Variants in MAF observed in about 807,000 individuals in gnomAD.
The protein encoded by MAF is MAF bZIP transcription factor, also known as transcription factor Maf.
In MAF, 10 loss-of-function variants were observed where a neutral mutation model predicts 22.0. That is an observed-to-expected ratio of 0.45 (90% confidence interval 0.28 to 0.77). The LOEUF (loss-of-function observed/expected upper bound fraction) is 0.77, where lower values mean the gene tolerates loss of function less well. Among genes scored for constraint, MAF ranks in the 30% least tolerant of loss-of-function variants. The probability of loss-of-function intolerance (pLI) is 0.12; values close to 1 mark genes in which losing one functional copy is unlikely to be tolerated. For synonymous variants in MAF, 337 were observed against 255.8 expected (o/e 1.32, Z -3.03); for missense variants, 544 against 548.4 (o/e 0.99, Z 0.08).
the MAF span, among the ~76,000 whole-genome samples, chr16:79,438,666 C>A: frequency 6.6e-6 from 1 of 152,190 alleles, no homozygotes; most frequent in Non-Finnish European, 1.5e-5. Flanking sequence ...GTCTGCACAG[C>A]CAGCGAGGTC....
At chr16:79,242,034 T>A in the MAF span, among the ~76,000 whole-genome samples, 1 of 152,026 alleles carries the variant, frequency 6.6e-6, no homozygotes. Context: ...CAAGAGCTCC[T>A]GAAGGAAGCA....
chr16:79,538,422 A>C, the MAF span, among the ~76,000 whole-genome samples: 1 of 152,220 alleles, frequency 6.6e-6, no homozygotes, highest in African/African-American at 2.4e-5. Flanking sequence ...TGCACTGAAT[A>C]TTTAAATGTC....
chr16:79,296,298 T>A, the MAF span, among the ~76,000 whole-genome samples: 1 of 152,140 alleles, frequency 6.6e-6, no homozygotes, highest in Non-Finnish European at 1.5e-5. Context: ...TTAATCTTTT[T>A]AAAAAATCAG....
chr16:79,412,854 G>T, the MAF span, among the ~76,000 whole-genome samples: 1 of 152,198 alleles, frequency 6.6e-6, no homozygotes, highest in African/African-American at 2.4e-5. Context: ...TATGGGAGGA[G>T]GTGATCCATC....
chr16:79,496,702 C>T, the MAF span, among the ~76,000 whole-genome samples: 4 of 152,170 alleles, frequency 2.6e-5, no homozygotes, highest in Non-Finnish European at 5.9e-5. Flanking sequence ...TCTAGAGATG[C>T]TTCAATGCAA....
the MAF span, among the ~76,000 whole-genome samples, chr16:79,409,304 G>T: frequency 1.1e-4 from 17 of 152,204 alleles, no homozygotes; most frequent in African/African-American, 4.1e-4. Context: ...GGCATGGAAA[G>T]GAAGTCGCGC....
the MAF span, among the ~76,000 whole-genome samples, chr16:79,456,553 C>G: frequency 2.0e-5 from 3 of 152,166 alleles, no homozygotes; most frequent in East Asian, 5.8e-4. Context: ...CTCCAGAACT[C>G]TCAACTTTAA....
the MAF span, among the ~76,000 whole-genome samples, chr16:79,336,506 T>C: frequency 1.3e-5 from 2 of 152,242 alleles, no homozygotes; most frequent in Non-Finnish European, 2.9e-5. Flanking sequence ...TAAAATTGCC[T>C]AGAATGTGGT....
chr16:79,223,591 G>A, the MAF span, among the ~76,000 whole-genome samples: 3 of 151,892 alleles, frequency 2.0e-5, no homozygotes, highest in African/African-American at 7.3e-5. Context: ...TTTTTGCAAA[G>A]ATCAACAAAA....
At chr16:79,360,223 T>G in the MAF span, among the ~76,000 whole-genome samples, 1 of 152,202 alleles carries the variant, frequency 6.6e-6, no homozygotes, top group Non-Finnish European at 1.5e-5. Context: ...GCTCTCCCCA[T>G]CTTTTTGAAC....
chr16:79,548,263 G>T, the MAF span, among the ~76,000 whole-genome samples: 5 of 152,172 alleles, frequency 3.3e-5, no homozygotes, highest in South Asian at 2.1e-4. Context: ...GATGTTTAAA[G>T]TCTTTATTCA....
the MAF span, among the ~76,000 whole-genome samples, chr16:79,340,229 C>A: frequency 6.6e-6 from 1 of 152,102 alleles, no homozygotes; most frequent in Non-Finnish European, 1.5e-5. Flanking sequence ...GCAGAGATAA[C>A]AGGAGAGCAG....
At chr16:79,214,467 A>ATGAT in the MAF span, among the ~76,000 whole-genome samples, 107 of 152,262 alleles carry the variant, frequency 7.0e-4, no homozygotes, top group African/African-American at 2.0e-3. Flanking sequence ...GTGCAATGGC[A>ATGAT]TGATCTCAGC....
chr16:79,385,210 A>G, the MAF span, among the ~76,000 whole-genome samples: 268 of 152,396 alleles, frequency 1.8e-3, no homozygotes, highest in Non-Finnish European at 3.3e-3. Flanking sequence ...ATATTAATAT[A>G]CAGCCCAAAT....
the MAF span, among the ~76,000 whole-genome samples, chr16:79,508,695 A>C: frequency 6.6e-6 from 1 of 152,238 alleles, no homozygotes; most frequent in East Asian, 1.9e-4. Context: ...ATAAAGGAAA[A>C]TCTTGCACAA....
At chr16:79,554,549 A>G in the MAF span, among the ~76,000 whole-genome samples, 3 of 152,284 alleles carry the variant, frequency 2.0e-5, no homozygotes, top group Admixed American at 1.3e-4. Context: ...AGAAGACAGG[A>G]AGACAACACA....
the MAF span, among the ~76,000 whole-genome samples, chr16:79,223,408 C>A: frequency 8.2e-4 from 124 of 152,138 alleles, no homozygotes; most frequent in Middle Eastern, 6.8e-3. Flanking sequence ...CAAGAGAAAG[C>A]AGGAAAGATC....
chr16:79,451,819 T>C, the MAF span, among the ~76,000 whole-genome samples: 1 of 152,236 alleles, frequency 6.6e-6, no homozygotes, highest in African/African-American at 2.4e-5. Context: ...ACTTTTGCTA[T>C]GCCTAACTAA....
At chr16:79,502,696 A>AATATAAATATAAATATAAATATAAATAT in the MAF span, among the ~76,000 whole-genome samples, 1 of 19,250 alleles carries the variant, frequency 5.2e-5, no homozygotes, top group African/African-American at 1.8e-4. Context: ...TATAAATATA[A>AATATAAATATAAATATAAATATAAATAT]ATATAAATAT....
Sources: gnomAD v4.1 joint callset for allele counts (sites outside exome capture counted in the v4.1 genomes callset) on GRCh38, gnomAD v4.1.1 for gene constraint, MANE v1.5 for transcripts, NCBI Gene and HGNC (gene_info 2026-07-23, HGNC 2026-07-21) for gene names.